The following RBFOX1 variants were observed in gnomAD, a reference collection of about 807,000 sequenced individuals.
The protein encoded by RBFOX1 is RNA binding protein fox-1 homolog 1.
A neutral mutation model predicts 57.7 loss-of-function variants in RBFOX1; 8 were observed. That is an observed-to-expected ratio of 0.14 (90% CI 0.08 to 0.25). The LOEUF is 0.25. Among genes scored for constraint, RBFOX1 ranks in the 10% least tolerant of loss-of-function variants. The pLI is 1.00. For synonymous variants in RBFOX1, 326 were observed against 222.4 expected (o/e 1.47, Z -4.15); for missense variants, 611 against 548.5 (o/e 1.11, Z -1.14).
At chr16:5,301,258 C>A (rs1434618350) in intron 1 of RBFOX1, among the ~76,000 whole-genome samples, 1 of 152,172 alleles carries the variant, frequency 6.6e-6, no homozygotes, top group Admixed American at 6.5e-5. Context: ...GGGAAGCCTG[C>A]AGCCAGCAGC....
intron 2 of RBFOX1, among the ~76,000 whole-genome samples, chr16:5,504,861 G>A (rs967136487): frequency 2.0e-5 from 3 of 152,206 alleles, no homozygotes; most frequent in African/African-American, 7.2e-5. Context: ...TGTGGAGAAG[G>A]AAGGAGGCCA....
chr16:6,218,253 C>G (rs1469587824), intron 1 of RBFOX1, among the ~76,000 whole-genome samples: 1 of 151,820 alleles, frequency 6.6e-6, no homozygotes, highest in African/African-American at 2.4e-5. Context: ...TGAGCTAAGA[C>G]TATAAACAGG....
At chr16:6,998,379 A>T (rs2092449893) in intron 3 of RBFOX1, among the ~76,000 whole-genome samples, 2 of 152,168 alleles carry the variant, frequency 1.3e-5, no homozygotes, top group African/African-American at 2.4e-5. Flanking sequence ...GATGCTACAG[A>T]TGGTGAAAAC....
At chr16:6,245,291 T>C (rs1461606749) in intron 1 of RBFOX1, among the ~76,000 whole-genome samples, 1 of 152,214 alleles carries the variant, frequency 6.6e-6, no homozygotes, top group East Asian at 1.9e-4. Context: ...CTTTCATTGC[T>C]TTAATGAAAT....
intron 4 of RBFOX1, among the ~76,000 whole-genome samples, chr16:5,903,560 GC>G (rs1410812686): frequency 6.6e-6 from 1 of 152,152 alleles, no homozygotes; most frequent in East Asian, 1.9e-4. Context: ...ACAGGCAGGG[GC>G]CAGCCAGACA....
At chr16:5,819,163 G>A (rs983136110) in intron 3 of RBFOX1, among the ~76,000 whole-genome samples, 1 of 152,166 alleles carries the variant, frequency 6.6e-6, no homozygotes, top group South Asian at 2.1e-4. Context: ...CTGGAGGCTG[G>A]GAAGTGCAAA....
chr16:5,941,550 A>G (rs955356218), intron 4 of RBFOX1, among the ~76,000 whole-genome samples: 31 of 152,102 alleles, frequency 2.0e-4, no homozygotes, highest in African/African-American at 7.5e-4. Context: ...TGAGGGTCCC[A>G]TGAGAGCAGA....
chr16:6,863,699 C>G (rs1458817683), intron 3 of RBFOX1, among the ~76,000 whole-genome samples: 11 of 122,218 alleles, frequency 9.0e-5, no homozygotes, highest in Non-Finnish European at 1.6e-4. Flanking sequence ...AAAGAAATGA[C>G]CGGAAGCACA....
At chr16:7,262,129 T>C (rs910849167) in intron 4 of RBFOX1, among the ~76,000 whole-genome samples, 4 of 151,672 alleles carry the variant, frequency 2.6e-5, no homozygotes, top group Non-Finnish European at 5.9e-5. Context: ...AGAGAAACTT[T>C]GTAGTAAGTG....
rs541001570 is a variant in RBFOX1 at position 6,820,434 on chromosome 16, A to G, written c.-16+165784A>G. On this transcript the variant is annotated intron_variant, in intron 3 of 15. Coordinates refer to ENST00000550418, the MANE Select transcript of RBFOX1 (RefSeq NM_018723.4). ...CATTTTGGGAGGCTGGGGAGGAAAA[A>G]TCAGTTGAGGCCAGGAGTTCGACAC... is the stretch of plus-strand genomic sequence containing the variant. Among the ~76,000 whole-genome samples the G allele has an allele frequency of 4.9e-4, 75 of 152,138 alleles. 1 individual carries two copies. Among genetic ancestry groups the G allele is most frequent in the Non-Finnish European group, 2.1e-4 (14 of 68,030 alleles).
chr16:7,252,405 C>A (rs564535703), intron 4 of RBFOX1, among the ~76,000 whole-genome samples: 1 of 152,354 alleles, frequency 6.6e-6, no homozygotes, highest in African/African-American at 2.4e-5. Flanking sequence ...CAGAGGTCTT[C>A]AACTGACAGT....
intron 4 of RBFOX1, among the ~76,000 whole-genome samples, chr16:7,095,357 C>T (rs1474109319): frequency 1.3e-5 from 2 of 152,124 alleles, no homozygotes; most frequent in African/African-American, 2.4e-5. Context: ...AGGCTGGTCT[C>T]GAACTCCTGA....
intron 1 of RBFOX1, among the ~76,000 whole-genome samples, chr16:5,379,828 G>A (rs911934383): frequency 6.6e-6 from 1 of 152,126 alleles, no homozygotes; most frequent in Admixed American, 6.5e-5. Context: ...AACATTTCAG[G>A]GTTTTGATAG....
intron 4 of RBFOX1, among the ~76,000 whole-genome samples, chr16:7,065,383 C>T (rs954328210): frequency 6.6e-6 from 1 of 152,116 alleles, no homozygotes; most frequent in South Asian, 2.1e-4. Flanking sequence ...CCTGCCCACT[C>T]GTGTTCAGCA....
intron 2 of RBFOX1, among the ~76,000 whole-genome samples, chr16:6,451,990 G>A (rs1025140995): frequency 6.7e-6 from 1 of 148,318 alleles, no homozygotes; most frequent in African/African-American, 2.5e-5. Flanking sequence ...CTCTATCCAT[G>A]GTTCCATCCA....
intron 1 of RBFOX1, among the ~76,000 whole-genome samples, chr16:6,235,503 A>T (rs1263529770): frequency 6.6e-6 from 1 of 151,884 alleles, no homozygotes; most frequent in Non-Finnish European, 1.5e-5. Flanking sequence ...GAACCAGCCC[A>T]AATGCCCATC....
intron 2 of RBFOX1, among the ~76,000 whole-genome samples, chr16:5,529,869 C>T (rs1048708753): frequency 6.6e-6 from 1 of 152,134 alleles, no homozygotes; most frequent in Non-Finnish European, 1.5e-5. Context: ...TGCCTGTCCT[C>T]AGTGTCCTTT....
intron 4 of RBFOX1, among the ~76,000 whole-genome samples, chr16:7,128,977 C>G (rs142918260): frequency 6.6e-6 from 1 of 151,830 alleles, no homozygotes; most frequent in South Asian, 2.1e-4. Flanking sequence ...CATGACACCA[C>G]GCCCAGTTAA....
At chr16:5,494,298 C>T (rs972806157) in intron 2 of RBFOX1, among the ~76,000 whole-genome samples, 4 of 152,158 alleles carry the variant, frequency 2.6e-5, no homozygotes, top group Non-Finnish European at 5.9e-5. Context: ...GAATCTGCAG[C>T]GTATGTGACC....
Sources: allele counts gnomAD v4.1 joint callset (sites outside exome capture counted in the v4.1 genomes callset), GRCh38; gene constraint gnomAD v4.1.1; transcripts MANE v1.5; gene names NCBI Gene and HGNC (gene_info 2026-07-23, HGNC 2026-07-21).